The following MED13L variants were observed in gnomAD, a reference collection of about 807,000 sequenced individuals.
The protein encoded by MED13L is mediator complex subunit 13L.
Under a neutral mutation model 220.9 loss-of-function variants are expected in MED13L, and 7 were observed. That is an observed-to-expected ratio of 0.03 (90% CI 0.02 to 0.06). MED13L has a LOEUF of 0.06. Among genes scored for constraint, MED13L ranks in the 10% least tolerant of loss-of-function variants. The probability of loss-of-function intolerance (pLI) is 1.00; values close to 1 mark genes in which losing one functional copy is unlikely to be tolerated. For synonymous variants in MED13L, 1,011 were observed against 1,015.2 expected (o/e 1.00, Z 0.08); for missense variants, 1,965 against 2,760.5 (o/e 0.71, Z 6.46).
intron 3 of MED13L, among the ~76,000 whole-genome samples, chr12:116,104,652 A>C (rs1380636678): frequency 6.6e-6 from 1 of 152,204 alleles, no homozygotes; most frequent in Non-Finnish European, 1.5e-5. Flanking sequence ...AAGTCTCCCT[A>C]AGTAAGTATG....
In MED13L at chr12:115,972,436, GC is replaced by G. The variant is rs774235272; in HGVS notation, c.5732-201del. ...ACACTTCATTAACAAAGGAACAAAG[GC>G]CTACTATTCTGTGGCTGAAGTCATG... On this transcript the variant is annotated intron_variant, in intron 25 of 30. Coordinates refer to ENST00000281928, the MANE Select transcript of MED13L (RefSeq NM_015335.5). 1.4e-4 allele frequency: 88 copies of G among 629,498 alleles called. 2 individuals carry two copies. The highest frequency in any genetic ancestry group is 1.1e-3 in the East Asian group (37 of 32,332). The allele number at this position is 629,498 out of a possible 1,614,324, so 39.0% of individuals were successfully genotyped here.
chr12:116,221,373 TAAA>T (rs78623635), intron 2 of MED13L, among the ~76,000 whole-genome samples: 6 of 132,338 alleles, frequency 4.5e-5, no homozygotes, highest in Admixed American at 1.5e-4. Context: ...GACCCTGTCT[TAAA>T]AAAAAAAAAA....
intron 2 of MED13L, among the ~76,000 whole-genome samples, chr12:116,205,714 A>G (rs1882274073): frequency 6.6e-6 from 1 of 152,032 alleles, no homozygotes; most frequent in East Asian, 1.9e-4. Context: ...AATCCATTTG[A>G]ATGATTCCAA....
chr12:116,248,992 T>C (rs1011328717), intron 1 of MED13L, among the ~76,000 whole-genome samples: 3 of 152,198 alleles, frequency 2.0e-5, no homozygotes, highest in Non-Finnish European at 2.9e-5. Context: ...CAGCTGGAAT[T>C]TGTGGAGACA....
At chr12:116,043,944 T>C (rs1881682286) in intron 4 of MED13L, among the ~76,000 whole-genome samples, 1 of 152,258 alleles carries the variant, frequency 6.6e-6, no homozygotes, top group African/African-American at 2.4e-5. Flanking sequence ...CAATGTAATA[T>C]TCATGTGTAG....
intron 5 of MED13L, among the ~76,000 whole-genome samples, chr12:116,021,013 T>A (rs1445458955): frequency 6.6e-6 from 1 of 152,132 alleles, no homozygotes; most frequent in Non-Finnish European, 1.5e-5. Context: ...TGACTCCAAC[T>A]AACACAGTTA....
Position 116,028,236 on chromosome 12 carries a change from T to C in MED13L, c.480-5635A>G, listed in dbSNP as rs113132635. ...AATGAACATTGAAGATAAGGGGTTCTATGAATACAATTATAGATATGTTAG... is the reference window on the plus strand; with the variant it reads ...AATGAACATTGAAGATAAGGGGTTCCATGAATACAATTATAGATATGTTAG... On this transcript the variant is annotated intron_variant, in intron 4 of 30. Coordinates refer to ENST00000281928, the MANE Select transcript of MED13L (RefSeq NM_015335.5). 2.3e-3 allele frequency among the ~76,000 whole-genome samples: 350 copies of C among 152,372 alleles called. 3 individuals are homozygous for C. Among genetic ancestry groups the C allele is most frequent in the African/African-American group, 8.0e-3 (331 of 41,590 alleles).
chr12:116,275,149 T>G (rs1444560550), intron 1 of MED13L, among the ~76,000 whole-genome samples: 2 of 152,152 alleles, frequency 1.3e-5, no homozygotes, highest in East Asian at 3.9e-4. Flanking sequence ...TTTAATTACC[T>G]GTAAGTGTCA....
chr12:116,077,628 G>A (rs1870906862), intron 4 of MED13L, among the ~76,000 whole-genome samples: 1 of 152,178 alleles, frequency 6.6e-6, no homozygotes, highest in African/African-American at 2.4e-5. Context: ...CATATGCACA[G>A]ACTAATCTCT....
chr12:116,180,571 A>C (rs867119876), intron 2 of MED13L, among the ~76,000 whole-genome samples: 1 of 152,298 alleles, frequency 6.6e-6, no homozygotes, highest in South Asian at 2.1e-4. Context: ...AAGCGTTTCA[A>C]ATAGGGGACA....
At chr12:116,089,354 G>A (rs1355250026) in intron 4 of MED13L, among the ~76,000 whole-genome samples, 2 of 151,982 alleles carry the variant, frequency 1.3e-5, no homozygotes, top group Admixed American at 6.6e-5. Context: ...CACAGCACCC[G>A]GCGATTTTCA....
At chr12:116,133,626 C>T (rs1195163086) in intron 2 of MED13L, among the ~76,000 whole-genome samples, 2 of 152,146 alleles carry the variant, frequency 1.3e-5, no homozygotes, top group Non-Finnish European at 2.9e-5. Context: ...CATGCCTTTT[C>T]TTACAGTGCG....
At chr12:115,964,871 A>G (rs1422446689) in intron 29 of MED13L, among the ~76,000 whole-genome samples, 1 of 152,208 alleles carries the variant, frequency 6.6e-6, no homozygotes, top group Non-Finnish European at 1.5e-5. Context: ...AACGGTGTGC[A>G]GGAACCACAT....
chr12:116,251,704 C>T (rs1291208187), intron 1 of MED13L, among the ~76,000 whole-genome samples: 5 of 150,172 alleles, frequency 3.3e-5, no homozygotes, highest in South Asian at 2.1e-4. Flanking sequence ...GAGCTTGCAG[C>T]GAGCCAAGAT....
rs1593039591 is a variant in MED13L, at chr12:116,096,807, T to C, written c.396-55A>G. ...ATAGTATCAGTAACAAATTAGTAAG[T>C]CGCTGAAGCAATACACCAGATGAGA... On this transcript the variant is annotated intron_variant, in intron 3 of 30. Transcript: ENST00000281928. 3.0e-6 allele frequency: 4 copies of C among 1,315,742 alleles called. No individual in the cohort carries two copies. The East Asian group carries it at 9.2e-5, about 30-fold the overall frequency. 81.5% of individuals were successfully genotyped at this position (1,315,742 alleles called of 1,614,324 possible). A position where few individuals can be genotyped will look rare whatever the true frequency, so the allele number is the denominator to read the frequency against.
intron 2 of MED13L, among the ~76,000 whole-genome samples, chr12:116,185,302 G>A (rs1243535826): frequency 2.0e-5 from 3 of 150,152 alleles, no homozygotes; most frequent in African/African-American, 7.3e-5. Flanking sequence ...ATACTAATTA[G>A]AATACGAATA....
chr12:116,251,045 TAAAGG>T (rs1381498209), intron 1 of MED13L, among the ~76,000 whole-genome samples: 3 of 148,182 alleles, frequency 2.0e-5, no homozygotes, highest in Admixed American at 1.3e-4. Context: ...CCCTAAAAAG[TAAAGG>T]AAAGAGGTAT....
At chr12:116,008,266 T>C (rs1566006965) in intron 10 of MED13L, 135 bp downstream of exon 10, 2 of 1,251,564 alleles carry the variant, frequency 1.6e-6, no homozygotes, top group East Asian at 5.0e-5. Flanking sequence ...CCATTAAACA[T>C]TTTCCATATC....
intron 2 of MED13L, among the ~76,000 whole-genome samples, chr12:116,143,532 A>G (rs954397553): frequency 1.3e-5 from 2 of 152,184 alleles, no homozygotes; most frequent in African/African-American, 4.8e-5. Flanking sequence ...CATTAAGTAC[A>G]TTAGCTAGGT....
Sources: gnomAD v4.1 joint callset for allele counts (sites outside exome capture counted in the v4.1 genomes callset) on GRCh38, gnomAD v4.1.1 for gene constraint, MANE v1.5 for transcripts, NCBI Gene and HGNC (gene_info 2026-07-23, HGNC 2026-07-21) for gene names.